Variants in KIN observed in about 807,000 individuals in gnomAD.
KIN encodes DNA/RNA-binding protein KIN17.
KIN carries 47 observed loss-of-function variants against 63.0 expected under a neutral mutation model. The ratio of observed to expected loss-of-function variants is 0.75; its 90% CI spans 0.59 to 0.95. KIN has a LOEUF of 0.95. KIN is among the 40% of genes least tolerant of loss of function. The pLI is 0.00. For synonymous variants in KIN, 160 were observed against 157.7 expected (o/e 1.01, Z -0.11); for missense variants, 408 against 460.9 (o/e 0.89, Z 1.05).
At position 7,778,834 on chromosome 10, in the gene KIN, C is replaced by T. The variant is rs1419854862; in HGVS notation, c.558+4G>A. 3 of 1,612,888 alleles carry T rather than the reference C, an allele frequency of 1.9e-6. No homozygotes were observed. Among genetic ancestry groups the T allele is most frequent in the Admixed American group, 1.7e-5 (1 of 59,646 alleles). ...TGCTTCTCAGGATGATGTTGCTTACCCACCTGTTCCTTCCCTTCCAGGCCT... is the reference window on the plus strand; with the variant it reads ...TGCTTCTCAGGATGATGTTGCTTACTCACCTGTTCCTTCCCTTCCAGGCCT... On this transcript the variant is annotated splice_donor_region_variant and intron_variant, in intron 5 of 12. Transcript: ENST00000379562.
intron 2 of KIN, among the ~76,000 whole-genome samples, chr10:7,782,599 A>G (rs1835920102): frequency 6.6e-6 from 1 of 151,926 alleles, no homozygotes; most frequent in Non-Finnish European, 1.5e-5. Flanking sequence ...GGGTTTTGTC[A>G]TCTTGGCCAC....
chr10:7,764,928 G>A (rs1835511302), intron 9 of KIN, among the ~76,000 whole-genome samples: 1 of 152,060 alleles, frequency 6.6e-6, no homozygotes, highest in Admixed American at 6.5e-5. Context: ...GGGAGGCTGA[G>A]GCAGGTGGAT....
In KIN at chr10:7,769,261, A is replaced by C; in HGVS notation, c.753T>G (p.Ser251=). 1 of 1,613,580 alleles carries C rather than the reference A, an allele frequency of 6.2e-7. No individual in the cohort carries two copies. The change falls in exon 8 of 13, where the codon TCT becomes TCG. Residue 251 remains serine, a synonymous_variant. Coordinates refer to ENST00000379562, the MANE Select transcript of KIN (RefSeq NM_012311.4). The stretch of plus-strand genomic sequence containing the variant: ...CAGATTTCTTTTTCTTCTTTTCTTT[A>C]GACTGAGTTGAGCTCTGGGAAGATT... The part of the protein sequence containing the change: ...RKESSQSSTQ[S]KEKKKKKSAL...
chr10:7,751,552 T>C lies in KIN; in HGVS notation c.*4528A>G, dbSNP rs1235336863. On this transcript the variant is annotated 3_prime_UTR_variant, in exon 13 of 13. Coordinates refer to ENST00000379562, the MANE Select transcript of KIN (RefSeq NM_012311.4). The stretch of plus-strand genomic sequence containing the variant: ...ACACAGTGAGACTCCCATCTCTTTA[T>C]AGAAATAAATAAAAATAAAGATAAA... The C allele has an allele frequency of 1.3e-5, 2 of 152,136 alleles. No homozygotes were observed. The highest frequency in any genetic ancestry group is 4.8e-5 in the African/African-American group (2 of 41,428). 9.4% of individuals were successfully genotyped at this position (152,136 alleles called of 1,614,324 possible).
chr10:7,756,277 T>G (rs1835331755), intron 12 of KIN, 135 bp from the exon 13 acceptor site: 6 of 500,552 alleles, frequency 1.2e-5, no homozygotes, highest in Non-Finnish European at 1.7e-5. Context: ...AACATTTGTA[T>G]ACATCTATGA....
intron 7 of KIN, among the ~76,000 whole-genome samples, chr10:7,773,781 T>C (rs969994121): frequency 3.9e-5 from 6 of 152,220 alleles, no homozygotes; most frequent in African/African-American, 1.2e-4. Context: ...AAATATCATC[T>C]GGCTTAAAAG....
intron 7 of KIN, among the ~76,000 whole-genome samples, chr10:7,773,615 C>A (rs1238450930): frequency 1.3e-5 from 2 of 152,152 alleles, no homozygotes. Flanking sequence ...TCTGGCAAAT[C>A]ATTTTAAAGT....
In KIN at chr10:7,782,995, A is replaced by G; in HGVS notation, c.209+86T>C. 3 of 562,330 alleles carry G rather than the reference A, an allele frequency of 5.3e-6. No individual in the cohort carries two copies. The South Asian group carries it at 1.0e-4, about 19-fold the overall frequency. The allele number at this position is 562,330 out of a possible 1,614,324, so 34.8% of individuals were successfully genotyped here. Reference sequence around the variant, plus strand: ...ACAGTTAACATATAAGAAATAATAGAACTTCCAATATTTAAAATATTAACC... The same window carrying G: ...ACAGTTAACATATAAGAAATAATAGGACTTCCAATATTTAAAATATTAACC... On this transcript the variant is annotated intron_variant, in intron 2 of 12. Transcript: ENST00000379562.
In KIN at chr10:7,787,889, C is replaced by T. The variant is rs1317704930; in HGVS notation, c.45G>A (p.Arg15=). ...DFLTPKAIAN[R]IKSKGLQKLR... Reference sequence around the variant, plus strand: ...GCTTCTGCAGCCCCTTGGACTTGATCCTGTTGGCGATAGCCTTGGGAGTAA... The same window carrying T: ...GCTTCTGCAGCCCCTTGGACTTGATTCTGTTGGCGATAGCCTTGGGAGTAA... The change falls in exon 1 of 13, where the codon AGG becomes AGA. Residue 15 remains arginine (R), a synonymous_variant. Coordinates refer to ENST00000379562, the MANE Select transcript of KIN (RefSeq NM_012311.4). 3 of 1,614,240 alleles carry T rather than the reference C, an allele frequency of 1.9e-6. No individual in the cohort carries two copies. The highest frequency in any genetic ancestry group is 1.7e-5 in the Admixed American group (1 of 60,034).
At chr10:7,762,361 A>G in intron 11 of KIN, 96 bp downstream of exon 11, 1 of 623,716 alleles carries the variant, frequency 1.6e-6, no homozygotes, top group Non-Finnish European at 2.7e-6. Flanking sequence ...AGACAGAAAA[A>G]TAACAACCAA....
At chr10:7,777,919 T>A (rs1182437565) in intron 5 of KIN, among the ~76,000 whole-genome samples, 29 of 147,494 alleles carry the variant, frequency 2.0e-4, no homozygotes, top group Admixed American at 3.4e-4. Flanking sequence ...AAAAAAAAAA[T>A]GTAAGCCACA....
intron 1 of KIN, 124 bp downstream of exon 1, chr10:7,787,696 T>G: frequency 2.7e-6 from 2 of 747,048 alleles, no homozygotes; most frequent in Non-Finnish European, 4.7e-6. Context: ...ACTGCAGACC[T>G]CAGAAGCCTC....
chr10:7,769,403 C>T (rs927510565), intron 7 of KIN, 58 bp from the exon 8 acceptor site: 15 of 1,531,594 alleles, frequency 9.8e-6, no homozygotes, highest in African/African-American at 2.8e-5. Flanking sequence ...GAATGCTTTA[C>T]GATGTGCAAA....
Position 7,787,949 on chromosome 10 carries a change from G to A in KIN, c.-16C>T, listed in dbSNP as rs1233221395. On this transcript the variant is annotated 5_prime_UTR_variant, in exon 1 of 13. Transcript: ENST00000379562. ...ACTTCCCCATGGCGACCACGGCAGC[G>A]ATCACTTTCTGGACCCCAGTACTCA... is the stretch of plus-strand genomic sequence containing the variant. 1.3e-6 allele frequency: 2 copies of A among 1,585,606 alleles called. No homozygotes were observed. The highest frequency in any genetic ancestry group is 1.7e-5 in the Admixed American group (1 of 59,986).
At chr10:7,786,664 G>A (rs1836016661) in intron 1 of KIN, among the ~76,000 whole-genome samples, 1 of 152,010 alleles carries the variant, frequency 6.6e-6, no homozygotes, top group African/African-American at 2.4e-5. Flanking sequence ...GAGGATAGAG[G>A]CAGTTTCGCA....
intron 7 of KIN, among the ~76,000 whole-genome samples, chr10:7,770,982 T>C (rs1564319545): frequency 1.3e-5 from 2 of 152,202 alleles, no homozygotes; most frequent in Admixed American, 6.5e-5. Flanking sequence ...TACCTAACTG[T>C]CAGGCTTTCC....
intron 8 of KIN, among the ~76,000 whole-genome samples, chr10:7,768,766 C>T (rs1835604895): frequency 6.6e-6 from 1 of 152,044 alleles, no homozygotes; most frequent in African/African-American, 2.4e-5. Context: ...GCCTGTAATC[C>T]CAGCATTTGG....
At chr10:7,757,238 T>A (rs1040369932) in intron 12 of KIN, among the ~76,000 whole-genome samples, 2 of 152,116 alleles carry the variant, frequency 1.3e-5, no homozygotes. Flanking sequence ...AGTGCTCACA[T>A]CTGTAATCCC....
intron 4 of KIN, among the ~76,000 whole-genome samples, chr10:7,779,775 AT>A (rs1835860220): frequency 6.6e-6 from 1 of 152,202 alleles, no homozygotes; most frequent in Admixed American, 6.5e-5. Flanking sequence ...AATTTTGGTT[AT>A]CAGCAAGGGG....
Sources: gnomAD v4.1 joint callset for allele counts (sites outside exome capture counted in the v4.1 genomes callset) on GRCh38, gnomAD v4.1.1 for gene constraint, MANE v1.5 for transcripts, NCBI Gene and HGNC (gene_info 2026-07-23, HGNC 2026-07-21) for gene names.